The following RSKR variants were observed in gnomAD, a reference collection of about 807,000 sequenced individuals.
RSKR encodes ribosomal protein S6 kinase-related protein.
RSKR carries 44 observed loss-of-function variants against 56.8 expected under a neutral mutation model. The observed-to-expected ratio is 0.77, with a 90% CI of 0.61 to 1.00. RSKR has a LOEUF of 1.00. RSKR is among the 50% of genes least tolerant of loss of function. The probability of loss-of-function intolerance (pLI) is 0.00; values close to 1 mark genes in which losing one functional copy is unlikely to be tolerated. For synonymous variants in RSKR, 181 were observed against 188.0 expected (o/e 0.96, Z 0.30); for missense variants, 510 against 506.9 (o/e 1.01, Z -0.06).
rs146563722 is a variant in RSKR, at chr17:28,610,777, A to T, written c.1012-78T>A. 1,184 of 1,362,774 alleles carry T rather than the reference A, an allele frequency of 8.7e-4. 9 individuals carry two copies. In the African/African-American group the frequency reaches 0.015, roughly 17 times the overall value. 84.4% of individuals were successfully genotyped at this position (1,362,774 alleles called of 1,614,324 possible). On this transcript the variant is annotated intron_variant, in intron 11 of 11. Coordinates refer to ENST00000301037, the MANE Select transcript of RSKR (RefSeq NM_001174103.2). Reference sequence around the variant, plus strand: ...ACAGAAAGGATGGAAAAGAAGAAAGAAGTTCATGGAGCTGTGGAGGGTAGG... The same window carrying T: ...ACAGAAAGGATGGAAAAGAAGAAAGTAGTTCATGGAGCTGTGGAGGGTAGG...
In RSKR at chr17:28,609,182, G is replaced by T. The variant is rs2070780942; in HGVS notation, c.*1296C>A. The stretch of plus-strand genomic sequence containing the variant: ...GCCTTCTGAGTAGCTGGGACTACAG[G>T]TGTGCAACACCACACCCAGCTAATT... On this transcript the variant is annotated 3_prime_UTR_variant, in exon 12 of 12. Transcript: ENST00000301037. The T allele has an allele frequency of 6.6e-6, 1 of 151,772 alleles. No homozygotes were observed. The highest frequency in any genetic ancestry group is 2.1e-4 in the South Asian group (1 of 4,808). The allele number at this position is 151,772 out of a possible 1,614,324, so 9.4% of individuals were successfully genotyped here.
At chr17:28,613,830 G>A (rs2070865067) in intron 1 of RSKR, 142 bp from the exon 2 acceptor site, 15 of 1,252,472 alleles carry the variant, frequency 1.2e-5, no homozygotes, top group South Asian at 3.0e-5. Context: ...CATTACCCTT[G>A]CTTTGTGCTA....
intron 8 of RSKR, 25 bp from the exon 9 acceptor site, chr17:28,611,681 C>G: frequency 6.2e-7 from 1 of 1,609,550 alleles, no homozygotes; most frequent in South Asian, 1.1e-5. Flanking sequence ...AAGGCAACTG[C>G]ACCACTGTTC....
chr17:28,613,327 T>C lies in RSKR; in HGVS notation c.343A>G (p.Lys115Glu), dbSNP rs1011048322. 1.2e-6 allele frequency: 2 copies of C among 1,614,218 alleles called. No homozygotes were observed. The highest frequency in any genetic ancestry group is 1.1e-5 in the South Asian group (1 of 91,090). ...TTGAGGACAGTTCCAAAGGAGCCTTTAGCCACGAGGCCTAAAATCTGTACA... is the reference window on the plus strand; with the variant it reads ...TTGAGGACAGTTCCAAAGGAGCCTTCAGCCACGAGGCCTAAAATCTGTACA... ...QQLKILGLVAKGSFGTVLKVL... is the reference protein window; with the variant it reads ...QQLKILGLVAEGSFGTVLKVL... Residue 115 changes from lysine to glutamate, a missense_variant, in exon 3 of 12, where the codon AAA becomes GAA. Coordinates refer to ENST00000301037, the MANE Select transcript of RSKR (RefSeq NM_001174103.2).
chr17:28,613,168 G>A (rs751423691), intron 3 of RSKR, 22 bp from the exon 4 acceptor site: 1 of 1,613,534 alleles, frequency 6.2e-7, no homozygotes, highest in South Asian at 1.1e-5. Context: ...GAGTAGTGAT[G>A]ACTCATAGAT....
At chr17:28,612,157 T>C (rs1007248674) in intron 6 of RSKR, 73 bp from the exon 7 acceptor site, 22 of 1,588,564 alleles carry the variant, frequency 1.4e-5, no homozygotes, top group Non-Finnish European at 1.6e-5. Flanking sequence ...CCTCATCCCA[T>C]CCCTATCCTA....
intron 11 of RSKR, 30 bp downstream of exon 11, chr17:28,611,113 G>A: frequency 1.3e-6 from 2 of 1,506,380 alleles, no homozygotes; most frequent in South Asian, 1.2e-5. Flanking sequence ...TGGTTTCGTA[G>A]CCAAGAAGGA....
chr17:28,612,125 C>T (rs1365679693), intron 6 of RSKR, 41 bp from the exon 7 acceptor site: 7 of 1,610,958 alleles, frequency 4.3e-6, no homozygotes, highest in African/African-American at 1.3e-5. Context: ...GCTTTTCTGT[C>T]CTTTCCAGTT....
chr17:28,613,750 C>A, intron 1 of RSKR, 62 bp from the exon 2 acceptor site: 1 of 1,596,836 alleles, frequency 6.3e-7, no homozygotes. Context: ...TTCCACCCAT[C>A]TTACTAGGCA....
rs2070770564 is a variant in RSKR, at chr17:28,608,388, C to T, written c.*2090G>A. On this transcript the variant is annotated 3_prime_UTR_variant, in exon 12 of 12. Transcript: ENST00000301037. Reference sequence around the variant, plus strand: ...ATTTTTTTCCTGAGACAAGATCTCACTCTGTTGCTCAGGCTGGATGCAGTG... The same window carrying T: ...ATTTTTTTCCTGAGACAAGATCTCATTCTGTTGCTCAGGCTGGATGCAGTG... 3.3e-5 allele frequency: 5 copies of T among 152,172 alleles called. No homozygotes were observed. The highest frequency in any genetic ancestry group is 3.3e-4 in the Admixed American group (5 of 15,268). 9.4% of individuals were successfully genotyped at this position (152,172 alleles called of 1,614,324 possible). A position where few individuals can be genotyped will look rare whatever the true frequency, so the allele number is the denominator to read the frequency against.
chr17:28,613,444 A>AGCT lies in RSKR; in HGVS notation c.317_319dup (p.Gln106dup). 1 of 1,614,196 alleles carries AGCT rather than the reference A, an allele frequency of 6.2e-7. No individual in the cohort carries two copies. Among genetic ancestry groups the AGCT allele is most frequent in the Non-Finnish European group, 8.5e-7 (1 of 1,180,028 alleles). On this transcript the variant is annotated inframe_insertion, in exon 2 of 12. Transcript: ENST00000301037. ...TCAGGGATTCCACTGACTTACCTTC[A>AGCT]GCTGCTGCTGCCCCCTAATGGGCCT...
At chr17:28,614,065 C>T in intron 1 of RSKR, 22 bp downstream of exon 1, 1 of 1,609,310 alleles carries the variant, frequency 6.2e-7, no homozygotes, top group Non-Finnish European at 8.5e-7. Context: ...CCTCAGTAGG[C>T]TGCCAGAGCC....
At chr17:28,611,841 T>G (rs1567633352) in intron 7 of RSKR, 46 bp from the exon 8 acceptor site, 3 of 1,613,712 alleles carry the variant, frequency 1.9e-6, no homozygotes, top group Non-Finnish European at 1.7e-6. Context: ...TCCTTTCAAC[T>G]CTCTTTCATC....
At position 28,613,528 on chromosome 17, in the gene RSKR, G is replaced by A. The variant is rs911899812; in HGVS notation, c.236C>T (p.Pro79Leu). Residue 79 changes from proline to leucine, a missense_variant, in exon 2 of 12, where the codon CCT becomes CTT. Physicochemically the swap from Pro to Leu is moderately conservative, Grantham distance 98. Transcript: ENST00000301037. ...LKPAPVLVEK[P>L]LPEWPVPQFI... ...CTGAGGCACTGGCCACTCTGGCAGA[G>A]GCTTCTCTACCAGTACTGGGGCTGG... 6.2e-7 allele frequency: 1 copy of A among 1,614,118 alleles called. No individual in the cohort carries two copies. The highest frequency in any genetic ancestry group is 8.5e-7 in the Non-Finnish European group (1 of 1,180,054).
rs2070773772 is a variant in RSKR, at chr17:28,608,602, C to CA, written c.*1875dup. 1 of 152,126 alleles carries CA rather than the reference C, an allele frequency of 6.6e-6. No homozygotes were observed. Among genetic ancestry groups the CA allele is most frequent in the South Asian group, 2.1e-4 (1 of 4,830 alleles). 9.4% of individuals were successfully genotyped at this position (152,126 alleles called of 1,614,324 possible). A position where few individuals can be genotyped will look rare whatever the true frequency, so the allele number is the denominator to read the frequency against. On this transcript the variant is annotated 3_prime_UTR_variant, in exon 12 of 12. Coordinates refer to ENST00000301037, the MANE Select transcript of RSKR (RefSeq NM_001174103.2). ...AACTCCTGACCTCTGGTGATCCGCC[C>CA]ACCTCAGCCTCCCAAAGTGCTGGGA...
chr17:28,613,948 A>T lies in RSKR; in HGVS notation c.75+139T>A, dbSNP rs1597610242. On this transcript the variant is annotated intron_variant, in intron 1 of 11. Coordinates refer to ENST00000301037, the MANE Select transcript of RSKR (RefSeq NM_001174103.2). ...GCCTGCACCTCAGTATTGGGCTGTG[A>T]TGCTTTCATAGTACAGCCTCCCTGC... 3.5e-6 allele frequency: 4 copies of T among 1,144,440 alleles called. No homozygotes were observed. The African/African-American group carries it at 4.6e-5, about 13-fold the overall frequency. 70.9% of individuals were successfully genotyped at this position (1,144,440 alleles called of 1,614,324 possible). A position where few individuals can be genotyped will look rare whatever the true frequency, so the allele number is the denominator to read the frequency against.
At chr17:28,613,845 CCA>C in intron 1 of RSKR, 157 bp from the exon 2 acceptor site, 2 of 1,165,596 alleles carry the variant, frequency 1.7e-6, no homozygotes, top group Non-Finnish European at 2.4e-6. Context: ...GTGCTAAGCC[CCA>C]GATTTCCTGG....
rs1352472162 is a variant in RSKR, at chr17:28,613,687, TGCTGAGAACCAAGGGA to T, written c.76-15_76del. 5 of 1,613,914 alleles carry T rather than the reference TGCTGAGAACCAAGGGA, an allele frequency of 3.1e-6. No homozygotes were observed. The highest frequency in any genetic ancestry group is 4.2e-6 in the Non-Finnish European group (5 of 1,179,968). ...CCAGGGACCCCGGATGTTGCCACCC[TGCTGAGAACCAAGGGA>T]GCCACTCTAAACTTTCTGCTCCTGA... On this transcript the variant is annotated splice_acceptor_variant and splice_polypyrimidine_tract_variant and coding_sequence_variant and intron_variant, in exon 2 of 12. Transcript: ENST00000301037. LOFTEE classifies it high-confidence loss of function.
rs201885941 is a variant in RSKR at position 28,612,103 on chromosome 17, G to A, written c.653-19C>T. 247 of 1,613,746 alleles carry A rather than the reference G, an allele frequency of 1.5e-4. No homozygotes were observed. Among genetic ancestry groups the A allele is most frequent in the Non-Finnish European group, 1.8e-4 (209 of 1,179,752 alleles). On this transcript the variant is annotated intron_variant, in intron 6 of 11. Transcript: ENST00000301037. ...AGATAACCTGTGGATAACAAGTATG[G>A]GGTATGCTGCAGCTTTTCTGTCCTT...
Sources: gnomAD v4.1 joint callset for allele counts on GRCh38, gnomAD v4.1.1 for gene constraint, MANE v1.5 for transcripts, NCBI Gene and HGNC (gene_info 2026-07-23, HGNC 2026-07-21) for gene names.